The following SAMTOR variants were observed in gnomAD, a reference collection of about 807,000 sequenced individuals.
SAMTOR encodes the protein UPF0532 protein C7orf60.
At chr7:112,839,017 C>T in the SAMTOR span, among the ~76,000 whole-genome samples, 1 of 151,780 alleles carries the variant, frequency 6.6e-6, no homozygotes, top group Admixed American at 6.6e-5. Flanking sequence ...AATTTGGTTT[C>T]TAAATACCGT....
the SAMTOR span, among the ~76,000 whole-genome samples, chr7:112,829,025 T>G: frequency 6.6e-6 from 1 of 152,144 alleles, no homozygotes; most frequent in Admixed American, 6.5e-5. Context: ...TTGTTGGGCT[T>G]CTTTGAATTT....
chr7:112,832,444 C>T, the SAMTOR span: 1 of 647,214 alleles, frequency 1.5e-6, no homozygotes, highest in Non-Finnish European at 2.8e-6. Flanking sequence ...GTTTTGAAAT[C>T]TCTCCTCAAT....
the SAMTOR span, among the ~76,000 whole-genome samples, chr7:112,829,091 C>G: frequency 2.6e-5 from 4 of 151,986 alleles, no homozygotes; most frequent in Non-Finnish European, 4.4e-5. Context: ...TTCAAATCCC[C>G]CACCTTTTGG....
the SAMTOR span, among the ~76,000 whole-genome samples, chr7:112,865,555 C>T: frequency 4.0e-5 from 6 of 150,656 alleles, no homozygotes; most frequent in South Asian, 2.1e-4. Context: ...GGATTGCAGG[C>T]GTGAGCCTCC....
chr7:112,921,058 G>A, the SAMTOR span, among the ~76,000 whole-genome samples: 1 of 152,072 alleles, frequency 6.6e-6, no homozygotes, highest in African/African-American at 2.4e-5. Flanking sequence ...TCCCCATCAA[G>A]CTACCAATGA....
At chr7:112,835,730 G>C in the SAMTOR span, among the ~76,000 whole-genome samples, 1 of 152,104 alleles carries the variant, frequency 6.6e-6, no homozygotes, top group East Asian at 1.9e-4. Context: ...GTGAGAACAT[G>C]AAGTATGTGG....
At chr7:112,908,150 T>TA in the SAMTOR span, among the ~76,000 whole-genome samples, 1 of 152,200 alleles carries the variant, frequency 6.6e-6, no homozygotes, top group Non-Finnish European at 1.5e-5. Flanking sequence ...AACATTATCT[T>TA]AGGTGTTTCT....
chr7:112,883,874 C>T, the SAMTOR span, among the ~76,000 whole-genome samples: 1 of 152,168 alleles, frequency 6.6e-6, no homozygotes, highest in Non-Finnish European at 1.5e-5. Flanking sequence ...CACACTAATA[C>T]AATGGTGTAT....
the SAMTOR span, among the ~76,000 whole-genome samples, chr7:112,894,173 G>C: frequency 6.7e-6 from 1 of 148,436 alleles, no homozygotes; most frequent in Non-Finnish European, 1.5e-5. Flanking sequence ...AAGAGAGAGA[G>C]AAGAGGGGGA....
At chr7:112,892,693 G>A in the SAMTOR span, among the ~76,000 whole-genome samples, 1 of 151,684 alleles carries the variant, frequency 6.6e-6, no homozygotes, top group Admixed American at 6.6e-5. Flanking sequence ...GGTCACTTGA[G>A]CCCAGGAGGT....
chr7:112,827,753 C>A, the SAMTOR span, among the ~76,000 whole-genome samples: 1 of 151,814 alleles, frequency 6.6e-6, no homozygotes, highest in Non-Finnish European at 1.5e-5. Context: ...ACAGGGTCTC[C>A]CTCTGTTGCC....
At chr7:112,888,620 T>C in the SAMTOR span, among the ~76,000 whole-genome samples, 1 of 152,150 alleles carries the variant, frequency 6.6e-6, no homozygotes, top group South Asian at 2.1e-4. Flanking sequence ...TGGGTATGCA[T>C]GAAATCTAAG....
the SAMTOR span, chr7:112,935,096 G>T: frequency 3.7e-6 from 1 of 272,842 alleles, no homozygotes; most frequent in Non-Finnish European, 7.3e-6. Flanking sequence ...TTATTTCAAT[G>T]ATCAGGCAAA....
chr7:112,902,926 C>A, the SAMTOR span, among the ~76,000 whole-genome samples: 2 of 152,200 alleles, frequency 1.3e-5, no homozygotes, highest in Non-Finnish European at 2.9e-5. Flanking sequence ...CTATGCAAAA[C>A]TCTTGCTAAC....
At chr7:112,845,072 C>A in the SAMTOR span, among the ~76,000 whole-genome samples, 5 of 152,214 alleles carry the variant, frequency 3.3e-5, no homozygotes, top group East Asian at 9.6e-4. Context: ...CTTCTTGACA[C>A]CATATACAAA....
chr7:112,870,399 TAAAAG>T, the SAMTOR span, among the ~76,000 whole-genome samples: 4 of 152,214 alleles, frequency 2.6e-5, no homozygotes, highest in Admixed American at 6.5e-5. Flanking sequence ...ACAACATTCT[TAAAAG>T]AAAAGAAATG....
At chr7:112,895,823 G>A in the SAMTOR span, 4 of 862,512 alleles carry the variant, frequency 4.6e-6, no homozygotes, top group Non-Finnish European at 6.5e-6. Flanking sequence ...TATTAATCAA[G>A]ATGGGAAACT....
the SAMTOR span, among the ~76,000 whole-genome samples, chr7:112,910,506 G>GA: frequency 1.3e-5 from 2 of 152,110 alleles, no homozygotes; most frequent in Non-Finnish European, 2.9e-5. Context: ...AGACTGTTAG[G>GA]AAAGAGGATT....
At chr7:112,919,378 TA>T in the SAMTOR span, among the ~76,000 whole-genome samples, 4 of 152,176 alleles carry the variant, frequency 2.6e-5, no homozygotes, top group African/African-American at 4.8e-5. Flanking sequence ...AAGGCAGAAA[TA>T]AAGATGTTCT....
Sources: gnomAD v4.1 joint callset for allele counts (sites outside exome capture counted in the v4.1 genomes callset) on GRCh38, gnomAD v4.1.1 for gene constraint, MANE v1.5 for transcripts, NCBI Gene and HGNC (gene_info 2026-07-23, HGNC 2026-07-21) for gene names.